The following LAMA2 variants were observed in gnomAD, a reference collection of about 807,000 sequenced individuals.
LAMA2 encodes the protein laminin subunit alpha 2.
In LAMA2, 269 loss-of-function variants were observed where a neutral mutation model predicts 364.8. That is an observed-to-expected ratio of 0.74 (90% CI 0.67 to 0.82). LAMA2 has a LOEUF of 0.82. Ranked by LOEUF, LAMA2 falls within the 40% of genes least tolerant of loss-of-function variation. The pLI is 0.00. For missense variants in LAMA2, 3,807 were observed against 3,873.2 expected (o/e 0.98, Z 0.45); for synonymous variants, 1,379 against 1,370.6 (o/e 1.01, Z -0.14).
chr6:129,475,348 G>A (rs748666014), intron 52 of LAMA2, 42 bp from the exon 53 acceptor site: 3 of 1,142,974 alleles, frequency 2.6e-6, no homozygotes, highest in Non-Finnish European at 2.5e-6. Flanking sequence ...TAAGTAAATT[G>A]TTTTTATTTT....
chr6:128,912,682 C>T (rs1778049294), intron 1 of LAMA2, among the ~76,000 whole-genome samples: 2 of 152,122 alleles, frequency 1.3e-5, no homozygotes, highest in Non-Finnish European at 2.9e-5. Flanking sequence ...GATTTTTTAA[C>T]CTCAGGAATG....
intron 12 of LAMA2, among the ~76,000 whole-genome samples, chr6:129,199,828 C>T (rs140845521): frequency 0.084 from 12,733 of 152,054 alleles, 677 homozygotes; most frequent in Non-Finnish European, 0.12. Flanking sequence ...TATGTAATCC[C>T]AGCACTTTGG....
In LAMA2 at chr6:129,514,582, T is replaced by C; in HGVS notation, c.9198T>C (p.Val3066=). The stretch of plus-strand genomic sequence containing the variant: ...CTGACACAAATGACCCTGTGTTTGT[T>C]GGAGGCTTCCCAGGTGAGTGTTGGC... ...TSADTNDPVF[V]GGFPDDLKQF... The change falls in exon 64 of 65, where the codon GTT becomes GTC. Residue 3066 remains valine, a synonymous_variant. Coordinates refer to ENST00000421865, the MANE Select transcript of LAMA2 (RefSeq NM_000426.4). 6.2e-7 allele frequency: 1 copy of C among 1,613,950 alleles called. No individual in the cohort carries two copies. Among genetic ancestry groups the C allele is most frequent in the Non-Finnish European group, 8.5e-7 (1 of 1,179,936 alleles).
chr6:129,320,669 T>C lies in LAMA2; in HGVS notation c.4176+14T>C. ...CTGTCCTGTGAGGTAAGCTACCTCC[T>C]ACTAACCTGCTTAATCTCAAGTCAC... On this transcript the variant is annotated intron_variant, in intron 28 of 64. Transcript: ENST00000421865. The C allele has an allele frequency of 1.4e-6, 2 of 1,382,332 alleles. No individual in the cohort carries two copies. The highest frequency in any genetic ancestry group is 2.1e-6 in the Non-Finnish European group (2 of 968,322). The allele number at this position is 1,382,332 out of a possible 1,614,324, so 85.6% of individuals were successfully genotyped here. A position where few individuals can be genotyped will look rare whatever the true frequency, so the allele number is the denominator to read the frequency against.
intron 1 of LAMA2, among the ~76,000 whole-genome samples, chr6:128,986,765 G>A (rs1479912190): frequency 6.6e-6 from 1 of 151,544 alleles, no homozygotes; most frequent in African/African-American, 2.4e-5. Context: ...TTATTTTATG[G>A]TTAAGCCACC....
At chr6:129,432,652 CAA>C (rs1781655392) in intron 41 of LAMA2, among the ~76,000 whole-genome samples, 1 of 152,114 alleles carries the variant, frequency 6.6e-6, no homozygotes. Context: ...TGTGTTAAAC[CAA>C]AGACTATTTG....
intron 20 of LAMA2, 134 bp downstream of exon 20, chr6:129,291,854 G>A: frequency 1.4e-6 from 1 of 701,938 alleles, no homozygotes; most frequent in South Asian, 1.6e-5. Flanking sequence ...TGAAATGACT[G>A]TGATCAGTGA....
chr6:129,295,623 C>T (rs1004811496), intron 20 of LAMA2, among the ~76,000 whole-genome samples: 19 of 152,026 alleles, frequency 1.2e-4, no homozygotes, highest in African/African-American at 4.6e-4. Context: ...ACCGTTTCTT[C>T]TTGTATATTT....
intron 1 of LAMA2, among the ~76,000 whole-genome samples, chr6:128,942,771 G>A (rs1053092603): frequency 6.6e-6 from 1 of 152,200 alleles, no homozygotes; most frequent in African/African-American, 2.4e-5. Flanking sequence ...AGCATGCTGG[G>A]AAGTTATCAA....
At chr6:129,130,163 G>A (rs115506597) in intron 4 of LAMA2, among the ~76,000 whole-genome samples, 1 of 152,122 alleles carries the variant, frequency 6.6e-6, no homozygotes, top group Non-Finnish European at 1.5e-5. Flanking sequence ...ACTGAATATT[G>A]ATCAGATTTT....
At chr6:129,059,203 C>T (rs1419502927) in intron 2 of LAMA2, among the ~76,000 whole-genome samples, 1 of 152,120 alleles carries the variant, frequency 6.6e-6, no homozygotes, top group Non-Finnish European at 1.5e-5. Flanking sequence ...ATCAGCATAC[C>T]AGCATGCTAT....
intron 41 of LAMA2, among the ~76,000 whole-genome samples, chr6:129,431,901 T>C (rs1053237783): frequency 1.2e-4 from 19 of 152,204 alleles, no homozygotes; most frequent in African/African-American, 4.3e-4. Flanking sequence ...CGCTAACCTG[T>C]TGAGATTCTG....
chr6:129,217,941 G>A (rs1314789191), intron 12 of LAMA2, among the ~76,000 whole-genome samples: 1 of 151,818 alleles, frequency 6.6e-6, no homozygotes, highest in African/African-American at 2.4e-5. Context: ...AATAAACTTG[G>A]GCCTGTAGCC....
chr6:128,911,317 A>C (rs1429079339), intron 1 of LAMA2, among the ~76,000 whole-genome samples: 1 of 152,104 alleles, frequency 6.6e-6, no homozygotes, highest in East Asian at 1.9e-4. Context: ...CTTCCCAGCC[A>C]GGTGCAGGAT....
At chr6:129,417,622 C>T (rs1362113524) in intron 40 of LAMA2, among the ~76,000 whole-genome samples, 2 of 152,114 alleles carry the variant, frequency 1.3e-5, no homozygotes, top group Admixed American at 6.5e-5. Context: ...ACCTGTATGC[C>T]TCCTGCCACC....
chr6:129,412,250 C>A (rs896579941), intron 40 of LAMA2, among the ~76,000 whole-genome samples: 12 of 152,154 alleles, frequency 7.9e-5, no homozygotes, highest in African/African-American at 2.9e-4. Context: ...GGCAGAATTT[C>A]TTCTTCTTCA....
At chr6:129,059,955 T>C (rs1788783022) in intron 3 of LAMA2, 59 bp downstream of exon 3, 1 of 932,558 alleles carries the variant, frequency 1.1e-6, no homozygotes, top group Non-Finnish European at 1.8e-6. Context: ...CATTTGCTAT[T>C]TGTTTAGTTA....
intron 42 of LAMA2, 102 bp from the exon 43 acceptor site, chr6:129,440,714 G>A (rs751098310): frequency 1.9e-5 from 19 of 1,004,368 alleles, no homozygotes; most frequent in South Asian, 3.9e-5. Context: ...CTTTGTAAAT[G>A]TGTCCGAGGT....
chr6:129,078,409 A>C (rs1268967877), intron 3 of LAMA2, among the ~76,000 whole-genome samples: 1 of 152,158 alleles, frequency 6.6e-6, no homozygotes, highest in Non-Finnish European at 1.5e-5. Context: ...TGCTAGGATT[A>C]CAGGTATGAG....
Sources: allele counts gnomAD v4.1 joint callset (sites outside exome capture counted in the v4.1 genomes callset), GRCh38; gene constraint gnomAD v4.1.1; transcripts MANE v1.5; gene names NCBI Gene and HGNC (gene_info 2026-07-23, HGNC 2026-07-21).